NAALAD2: variants seen among roughly 807,000 people sequenced by gnomAD.
The protein encoded by NAALAD2 is N-acetylated alpha-linked acidic dipeptidase 2, also known as N-acetylated-alpha-linked acidic dipeptidase 2.
NAALAD2 carries 89 observed loss-of-function variants against 95.6 expected under a neutral mutation model. The ratio of observed to expected loss-of-function variants is 0.93; its 90% CI spans 0.78 to 1.11. The LOEUF (loss-of-function observed/expected upper bound fraction) is 1.11. Among genes scored for constraint, NAALAD2 ranks in the 50% least tolerant of loss-of-function variants. The pLI, the probability that NAALAD2 is intolerant of heterozygous loss-of-function variation, is 0.00. For missense variants in NAALAD2, 894 were observed against 872.4 expected, an observed-to-expected ratio of 1.02 and a Z score of -0.31; for synonymous variants, 264 against 294.4, an observed-to-expected ratio of 0.90 and a Z score of 1.06.
At position 90,173,865 on chromosome 11, in the gene NAALAD2, T is replaced by TGAAA. The variant is rs1487416957; in HGVS notation, c.1454_1457dup (p.Ser486ArgfsTer11). On this transcript the variant is annotated frameshift_variant, in exon 14 of 19. Coordinates refer to ENST00000534061, the MANE Select transcript of NAALAD2 (RefSeq NM_005467.4). LOFTEE classifies it high-confidence loss of function. ...ATGGGTTTGAGAGTAAATCACTGTA[T>TGAAA]GAAAGCTGGTTGGAAAAAGACCCTT... The TGAAA allele has an allele frequency of 6.2e-7, 1 of 1,613,060 alleles. No homozygotes were observed. Among genetic ancestry groups the TGAAA allele is most frequent in the East Asian group, 2.2e-5 (1 of 44,736 alleles).
intron 18 of NAALAD2, among the ~76,000 whole-genome samples, 167 bp from the exon 19 acceptor site, chr11:90,191,390 TC>T (rs1354998671): frequency 6.6e-6 from 1 of 152,150 alleles, no homozygotes; most frequent in African/African-American, 2.4e-5. Flanking sequence ...ATTGTTAGCT[TC>T]TTTCCTGGCT....
chr11:90,136,626 A>G (rs1204281527), intron 2 of NAALAD2, among the ~76,000 whole-genome samples: 3 of 152,286 alleles, frequency 2.0e-5, no homozygotes, highest in East Asian at 1.9e-4. Flanking sequence ...GTAGTTCATT[A>G]TTTTTATTGC....
intron 4 of NAALAD2, among the ~76,000 whole-genome samples, chr11:90,149,570 G>A (rs1418780176): frequency 1.3e-5 from 2 of 152,220 alleles, no homozygotes; most frequent in African/African-American, 4.8e-5. Flanking sequence ...GCGTAGCTGG[G>A]ACCACAGGTG....
intron 18 of NAALAD2, among the ~76,000 whole-genome samples, chr11:90,185,403 G>A (rs1857106327): frequency 6.6e-6 from 1 of 152,068 alleles, no homozygotes; most frequent in Admixed American, 6.6e-5. Flanking sequence ...GGGTGAGGTG[G>A]CTCACACTTG....
chr11:90,154,001 C>A (rs1951955987), intron 6 of NAALAD2, among the ~76,000 whole-genome samples: 1 of 151,640 alleles, frequency 6.6e-6, no homozygotes, highest in African/African-American at 2.4e-5. Context: ...AATTTTATTT[C>A]TTGGCTTTCA....
At position 90,178,018 on chromosome 11, in the gene NAALAD2, A is replaced by G; in HGVS notation, c.1759A>G (p.Ile587Val). 6.2e-7 allele frequency: 1 copy of G among 1,613,916 alleles called. No homozygotes were observed. Among genetic ancestry groups the G allele is most frequent in the East Asian group, 2.2e-5 (1 of 44,790 alleles). ...LVDSKIIPFN[I>V]QDYAEALKNY... ...GGATTCTAAAATCATTCCTTTTAAT[A>G]TTCAAGACTATGCAGAAGCTTTGAA... is the stretch of plus-strand genomic sequence containing the variant. Residue 587 changes from isoleucine to valine, a missense_variant, in exon 16 of 19, where the codon ATT (isoleucine) becomes GTT (valine). Physicochemically the swap from Ile to Val is conservative, Grantham distance 29 (BLOSUM62 3). Coordinates refer to ENST00000534061, the MANE Select transcript of NAALAD2 (RefSeq NM_005467.4).
chr11:90,143,680 C>T (rs1352169032), intron 2 of NAALAD2, among the ~76,000 whole-genome samples: 1 of 152,138 alleles, frequency 6.6e-6, no homozygotes, highest in African/African-American at 2.4e-5. Flanking sequence ...TTAAACCCTA[C>T]AGACAGATAC....
At chr11:90,135,734 T>C in intron 2 of NAALAD2, 64 bp downstream of exon 2, 1 of 1,263,386 alleles carries the variant, frequency 7.9e-7, no homozygotes. Flanking sequence ...GAGAAGCATA[T>C]TATACCTGGT....
intron 2 of NAALAD2, among the ~76,000 whole-genome samples, chr11:90,146,635 G>T (rs1459943370): frequency 6.6e-6 from 1 of 151,944 alleles, no homozygotes; most frequent in African/African-American, 2.4e-5. Context: ...AAAGTGCTGG[G>T]ATTACAGGTG....
chr11:90,159,206 C>T (rs995845868), intron 7 of NAALAD2, 33 bp from the exon 8 acceptor site: 6 of 1,480,436 alleles, frequency 4.1e-6, no homozygotes, highest in Non-Finnish European at 5.7e-6. Context: ...ATTGTGGTAG[C>T]CTTTTTCTGT....
intron 13 of NAALAD2, among the ~76,000 whole-genome samples, chr11:90,172,165 G>A (rs145763174): frequency 6.6e-6 from 1 of 152,296 alleles, no homozygotes; most frequent in Non-Finnish European, 1.5e-5. Context: ...CTCAACCATT[G>A]TAAATTGGCA....
rs1051299344 is a variant in NAALAD2 at position 90,164,975 on chromosome 11, C to T, written c.1278+1358C>T. Among the ~76,000 whole-genome samples, 255 of 152,278 alleles carry T rather than the reference C, an allele frequency of 1.7e-3. 2 individuals are homozygous for T. Among genetic ancestry groups the T allele is most frequent in the African/African-American group, 5.7e-3 (235 of 41,554 alleles). Reference sequence around the variant, plus strand: ...TTCCTGACCCTTTCCCTTCTCCCACCTTCCACCCTTTGAAAGTCCCCAGTG... The same window carrying T: ...TTCCTGACCCTTTCCCTTCTCCCACTTTCCACCCTTTGAAAGTCCCCAGTG... On this transcript the variant is annotated intron_variant, in intron 11 of 18. Transcript: ENST00000534061.
rs112648190 is a variant in NAALAD2, at chr11:90,166,743, G to C, written c.1279-2186G>C. Among the ~76,000 whole-genome samples, 230 of 151,872 alleles carry C rather than the reference G, an allele frequency of 1.5e-3. 1 individual carries two copies. Among genetic ancestry groups the C allele is most frequent in the African/African-American group, 5.2e-3 (214 of 41,396 alleles). On this transcript the variant is annotated intron_variant, in intron 11 of 18. Transcript: ENST00000534061. ...CCAGCTACTCGGGAGGCTGAGGCAG[G>C]AGAATGGCGTGAACCCGGGAGGTGG...
At chr11:90,183,884 C>T (rs1204463418) in intron 18 of NAALAD2, among the ~76,000 whole-genome samples, 1 of 152,110 alleles carries the variant, frequency 6.6e-6, no homozygotes, top group Non-Finnish European at 1.5e-5. Context: ...CAGAAAACAA[C>T]TCATCTTTAA....
Position 90,176,835 on chromosome 11 carries a change from A to C in NAALAD2, c.1593+773A>C, listed in dbSNP as rs1232664482. On this transcript the variant is annotated intron_variant, in intron 15 of 18. Coordinates refer to ENST00000534061, the MANE Select transcript of NAALAD2 (RefSeq NM_005467.4). ...GACTGTTCAGAATACAACAAAGAAC[A>C]AAGAAATAAAAGCAACCCCAGAGTA... 2.6e-5 allele frequency among the ~76,000 whole-genome samples: 4 copies of C among 152,354 alleles called. No individual in the cohort carries two copies. The South Asian group carries it at 8.3e-4, about 32-fold the overall frequency.
chr11:90,152,258 T>C, intron 5 of NAALAD2, 40 bp from the exon 6 acceptor site: 2 of 1,520,326 alleles, frequency 1.3e-6, no homozygotes, highest in Non-Finnish European at 1.8e-6. Context: ...AGCCAACCAT[T>C]TGCCATATCT....
chr11:90,135,960 G>A (rs901997113), intron 2 of NAALAD2, among the ~76,000 whole-genome samples: 1 of 152,080 alleles, frequency 6.6e-6, no homozygotes, highest in Non-Finnish European at 1.5e-5. Flanking sequence ...GTTCATCAGT[G>A]CCTGGGTTTT....
intron 3 of NAALAD2, among the ~76,000 whole-genome samples, chr11:90,148,777 A>G (rs1200554162): frequency 1.3e-5 from 2 of 152,180 alleles, no homozygotes; most frequent in African/African-American, 4.8e-5. Flanking sequence ...GTTACACTTT[A>G]TAAGGAAACT....
At position 90,178,071 on chromosome 11, in the gene NAALAD2, A is replaced by G. The variant is rs373973975; in HGVS notation, c.1812A>G (p.Leu604=). 1.2e-5 allele frequency: 20 copies of G among 1,613,186 alleles called. No homozygotes were observed. The highest frequency in any genetic ancestry group is 1.1e-4 in the East Asian group (5 of 44,814). Residue 604 remains leucine (L), a synonymous_variant, in exon 16 of 19, where the codon CTA becomes CTG. Coordinates refer to ENST00000534061, the MANE Select transcript of NAALAD2 (RefSeq NM_005467.4). The part of the protein sequence containing the change: ...LKNYAASIYN[L]SKKHDQQLTD... The stretch of plus-strand genomic sequence containing the variant: ...ACTATGCAGCAAGTATCTATAATCT[A>G]TCTAAGAAACATGATCAACAATTGA...
Sources: allele counts gnomAD v4.1 joint callset (sites outside exome capture counted in the v4.1 genomes callset), GRCh38; gene constraint gnomAD v4.1.1; transcripts MANE v1.5; gene names NCBI Gene and HGNC (gene_info 2026-07-23, HGNC 2026-07-21).